The following TRAPPC9 variants were observed in gnomAD, a reference collection of about 807,000 sequenced individuals.
TRAPPC9 encodes the protein IKK2 binding protein.
TRAPPC9 carries 83 observed loss-of-function variants against 124.0 expected under a neutral mutation model. The ratio of observed to expected loss-of-function variants is 0.67; its 90% CI spans 0.56 to 0.80. TRAPPC9 has a LOEUF of 0.80. TRAPPC9 is among the 30% of genes least tolerant of loss of function. The pLI is 0.00. For synonymous variants in TRAPPC9, 638 were observed against 617.5 expected, an observed-to-expected ratio of 1.03 and a Z score of -0.49; for missense variants, 1,302 against 1,508.3, an observed-to-expected ratio of 0.86 and a Z score of 2.27.
intron 17 of TRAPPC9, among the ~76,000 whole-genome samples, chr8:140,094,720 T>C (rs1402336430): frequency 1.3e-5 from 2 of 152,162 alleles, no homozygotes; most frequent in Non-Finnish European, 2.9e-5. Context: ...AAGACATCTA[T>C]GCCGCAACAG....
chr8:140,051,424 C>T (rs1299530261), intron 17 of TRAPPC9, among the ~76,000 whole-genome samples: 1 of 152,210 alleles, frequency 6.6e-6, no homozygotes, highest in Non-Finnish European at 1.5e-5. Flanking sequence ...TTAATCGCCA[C>T]AGGTTTCTCA....
chr8:140,202,349 TA>T (rs770395551), intron 17 of TRAPPC9, among the ~76,000 whole-genome samples: 1 of 151,906 alleles, frequency 6.6e-6, no homozygotes, highest in East Asian at 1.9e-4. Flanking sequence ...AAAAGGGAAA[TA>T]AAACCCAACT....
intron 21 of TRAPPC9, among the ~76,000 whole-genome samples, chr8:139,790,650 G>A (rs984262628): frequency 2.2e-4 from 33 of 152,188 alleles, no homozygotes; most frequent in African/African-American, 7.5e-4. Flanking sequence ...GAGCATGGAC[G>A]CCGCTGCACG....
chr8:140,382,273 G>T (rs1296829750), intron 7 of TRAPPC9, among the ~76,000 whole-genome samples: 2 of 152,198 alleles, frequency 1.3e-5, no homozygotes, highest in Non-Finnish European at 2.9e-5. Context: ...ATTTCACTGG[G>T]GCTTGTTGGA....
At chr8:139,938,308 G>A (rs866487820) in intron 19 of TRAPPC9, among the ~76,000 whole-genome samples, 29 of 151,956 alleles carry the variant, frequency 1.9e-4, no homozygotes, top group African/African-American at 4.1e-4. Flanking sequence ...TTTTTGAGAC[G>A]GAGTCTCACT....
intron 21 of TRAPPC9, among the ~76,000 whole-genome samples, chr8:139,877,585 G>A (rs1829403568): frequency 6.6e-6 from 1 of 152,184 alleles, no homozygotes; most frequent in African/African-American, 2.4e-5. Context: ...ACCCTCTGCA[G>A]CAGGAACACA....
chr8:140,287,789 A>T (rs2131739491), intron 12 of TRAPPC9, 55 bp from the exon 13 acceptor site: 1 of 1,612,144 alleles, frequency 6.2e-7, no homozygotes, highest in East Asian at 2.2e-5. Context: ...GTGTGTGCTC[A>T]GTTCCAAATG....
intron 10 of TRAPPC9, among the ~76,000 whole-genome samples, chr8:140,310,712 T>C (rs2066273700): frequency 6.6e-6 from 1 of 151,752 alleles, no homozygotes; most frequent in Non-Finnish European, 1.5e-5. Flanking sequence ...TCAGGAAAGG[T>C]GTCCTGGAAA....
chr8:140,047,358 G>C (rs955160730), intron 17 of TRAPPC9, among the ~76,000 whole-genome samples: 1 of 152,244 alleles, frequency 6.6e-6, no homozygotes, highest in Non-Finnish European at 1.5e-5. Context: ...GAATAGTCCG[G>C]GTTGCGCTAA....
chr8:139,925,519 G>A (rs552497871), intron 19 of TRAPPC9, among the ~76,000 whole-genome samples: 1 of 152,136 alleles, frequency 6.6e-6, no homozygotes, highest in East Asian at 1.9e-4. Context: ...AGGCCGAGGC[G>A]GGCAGATTGC....
At chr8:140,038,893 A>C (rs916181707) in intron 17 of TRAPPC9, among the ~76,000 whole-genome samples, 1 of 152,160 alleles carries the variant, frequency 6.6e-6, no homozygotes, top group Non-Finnish European at 1.5e-5. Flanking sequence ...TCTCTGCTAG[A>C]CTGTGTCCCC....
chr8:140,434,578 T>G (rs1233265758), intron 4 of TRAPPC9, among the ~76,000 whole-genome samples: 1 of 152,168 alleles, frequency 6.6e-6, no homozygotes, highest in Non-Finnish European at 1.5e-5. Context: ...ACCAGGAAAT[T>G]TTACACAAGT....
chr8:140,295,800 G>C (rs1460976616), intron 11 of TRAPPC9, among the ~76,000 whole-genome samples: 1 of 152,204 alleles, frequency 6.6e-6, no homozygotes, highest in Non-Finnish European at 1.5e-5. Flanking sequence ...TATGTGATCT[G>C]TCAAGCTTCT....
At chr8:139,996,158 C>CAAA in intron 18 of TRAPPC9, among the ~76,000 whole-genome samples, 485 of 19,406 alleles carry the variant, frequency 0.025, 17 homozygotes, top group Non-Finnish European at 0.031. Flanking sequence ...AAAACTTAAG[C>CAAA]AAAAAAAAAA....
chr8:140,016,117 C>T (rs1052580855), intron 18 of TRAPPC9, among the ~76,000 whole-genome samples: 7 of 152,058 alleles, frequency 4.6e-5, no homozygotes, highest in Non-Finnish European at 1.0e-4. Context: ...TCCAGCTCTC[C>T]CCAGTAAAAA....
At chr8:140,189,653 T>C (rs2131070841) in intron 17 of TRAPPC9, among the ~76,000 whole-genome samples, 1 of 152,092 alleles carries the variant, frequency 6.6e-6, no homozygotes, top group Admixed American at 6.5e-5. Flanking sequence ...TTTTGGGGAA[T>C]GTTTTGCCCT....
chr8:139,744,981 C>A (rs555038696), intron 21 of TRAPPC9, among the ~76,000 whole-genome samples: 37 of 152,336 alleles, frequency 2.4e-4, no homozygotes, highest in Non-Finnish European at 5.1e-4. Flanking sequence ...GATGCCAGGG[C>A]CCCTGTGGAG....
At position 140,025,753 on chromosome 8, in the gene TRAPPC9, C is replaced by T. The variant is rs138002837; in HGVS notation, c.2557-1674G>A. ...CCCCTGCAACCTACCCATCTGACAC[C>T]CTGAGGCAACATGGCTTAGAATCGG... On this transcript the variant is annotated intron_variant, in intron 17 of 22. Transcript: ENST00000438773. Among the ~76,000 whole-genome samples the T allele has an allele frequency of 6.8e-4, 104 of 152,200 alleles. No individual in the cohort carries two copies. In the East Asian group the frequency reaches 0.019, roughly 27 times the overall value.
intron 17 of TRAPPC9, among the ~76,000 whole-genome samples, chr8:140,030,073 G>A (rs6982545): frequency 0.15 from 22,720 of 152,064 alleles, 2,067 homozygotes; most frequent in African/African-American, 0.26. Flanking sequence ...AATAGTTGAC[G>A]AAATTCAAAA....
Sources: gnomAD v4.1 joint callset for allele counts (sites outside exome capture counted in the v4.1 genomes callset) on GRCh38, gnomAD v4.1.1 for gene constraint, MANE v1.5 for transcripts, NCBI Gene and HGNC (gene_info 2026-07-23, HGNC 2026-07-21) for gene names.